Variants in MCM3AP observed in about 807,000 individuals in gnomAD.
MCM3AP encodes minichromosome maintenance complex component 3 associated protein.
MCM3AP carries 126 observed loss-of-function variants against 184.1 expected under a neutral mutation model. The ratio of observed to expected loss-of-function variants is 0.68; its 90% CI spans 0.59 to 0.79. MCM3AP has a LOEUF of 0.79. Among genes scored for constraint, MCM3AP ranks in the 30% least tolerant of loss-of-function variants. The pLI, the probability that MCM3AP is intolerant of heterozygous loss-of-function variation, is 0.00. For synonymous variants in MCM3AP, 1,002 were observed against 979.3 expected (o/e 1.02, Z -0.43); for missense variants, 2,496 against 2,479.2 (o/e 1.01, Z -0.14).
intron 20 of MCM3AP, chr21:46,250,894 C>T (rs1360702472): frequency 6.6e-6 from 1 of 152,190 alleles, no homozygotes; most frequent in Non-Finnish European, 1.5e-5. Flanking sequence ...CAGCAGAGAA[C>T]ATTTAAATGG....
In MCM3AP at chr21:46,284,880, T is replaced by C; in HGVS notation, c.407A>G (p.Asn136Ser). ...GAATTCTGTTTTCCCAAAACCAGAG[T>C]TCACTATTTCTCCAGCTTCTTGTCC... ...AFGQEAGEIVNSGFGKTEFSF... is the reference protein window; with the variant it reads ...AFGQEAGEIVSSGFGKTEFSF... The change falls in exon 1 of 28, where the codon AAC becomes AGC. Residue 136 changes from asparagine to serine, a missense_variant. Asn to Ser is a conservative substitution (Grantham distance 46). Coordinates refer to ENST00000291688, the MANE Select transcript of MCM3AP (RefSeq NM_003906.5). 1 of 1,614,118 alleles carries C rather than the reference T, an allele frequency of 6.2e-7. No homozygotes were observed. Among genetic ancestry groups the C allele is most frequent in the African/African-American group, 1.3e-5 (1 of 75,002 alleles).
intron 20 of MCM3AP, among the ~76,000 whole-genome samples, chr21:46,248,743 TAAAA>T (rs1335710739): frequency 6.6e-6 from 1 of 151,446 alleles, no homozygotes; most frequent in African/African-American, 2.4e-5. Flanking sequence ...AAAGTCATGA[TAAAA>T]AGAAAGAGGA....
chr21:46,251,797 T>G, intron 19 of MCM3AP, 115 bp from the exon 20 acceptor site: 1 of 575,434 alleles, frequency 1.7e-6, no homozygotes, highest in South Asian at 2.3e-5. Flanking sequence ...CAGACCTAGG[T>G]CCACAAATAC....
At chr21:46,245,262 G>A in intron 22 of MCM3AP, 65 bp from the exon 23 acceptor site, 1 of 1,495,730 alleles carries the variant, frequency 6.7e-7, no homozygotes, top group Non-Finnish European at 9.0e-7. Context: ...CTTTCTGAAA[G>A]GGCTTGATCC....
intron 20 of MCM3AP, 34 bp downstream of exon 20, chr21:46,251,495 A>C: frequency 6.4e-7 from 1 of 1,551,784 alleles, no homozygotes; most frequent in Non-Finnish European, 8.9e-7. Flanking sequence ...AGTAATGAAA[A>C]CACAGAAGTA....
chr21:46,245,572 G>C (rs533373331), intron 22 of MCM3AP, among the ~76,000 whole-genome samples: 1 of 152,166 alleles, frequency 6.6e-6, no homozygotes, highest in Non-Finnish European at 1.5e-5. Flanking sequence ...ATGTGCCAAG[G>C]TGCCTTCACA....
chr21:46,259,301 A>G (rs2081005719), intron 15 of MCM3AP: 3 of 384,156 alleles, frequency 7.8e-6, no homozygotes, highest in East Asian at 1.1e-4. Context: ...TAAAAATACA[A>G]AAAAATTAGC....
At chr21:46,262,623 A>G (rs914364913) in intron 13 of MCM3AP, among the ~76,000 whole-genome samples, 1 of 151,970 alleles carries the variant, frequency 6.6e-6, no homozygotes, top group African/African-American at 2.4e-5. Context: ...ACTCGGGTCT[A>G]GGTGACAAAG....
At chr21:46,275,376 C>A in intron 5 of MCM3AP, 51 bp from the exon 6 acceptor site, 1 of 1,503,704 alleles carries the variant, frequency 6.7e-7, no homozygotes, top group Non-Finnish European at 9.0e-7. Flanking sequence ...TTAGCACGAA[C>A]CTACAGAAGT....
At chr21:46,272,858 C>T (rs1667178988) in intron 7 of MCM3AP, 29 bp from the exon 8 acceptor site, 2 of 1,533,404 alleles carry the variant, frequency 1.3e-6, no homozygotes, top group African/African-American at 1.4e-5. Context: ...GAGGATCACA[C>T]ACACATTCCC....
intron 1 of MCM3AP, 34 bp downstream of exon 1, chr21:46,284,034 G>T (rs375285261): frequency 2.5e-6 from 4 of 1,587,302 alleles, no homozygotes; most frequent in Admixed American, 3.6e-5. Flanking sequence ...CTGCCTGCAG[G>T]ATTTACTCTA....
rs764930973 is a variant in MCM3AP at position 46,240,797 on chromosome 21, G to T, written c.5633+14C>A. The T allele has an allele frequency of 2.5e-6, 4 of 1,611,418 alleles. No individual in the cohort carries two copies. Among genetic ancestry groups the T allele is most frequent in the South Asian group, 2.2e-5 (2 of 90,832 alleles). ...AGACTAAACACACATGAATTAGAAG[G>T]AAGTGGGCTTCACCTCTTGTTCTCT... On this transcript the variant is annotated intron_variant, in intron 26 of 27. Transcript: ENST00000291688.
chr21:46,271,260 C>T (rs1470149892), intron 8 of MCM3AP, among the ~76,000 whole-genome samples: 2 of 151,372 alleles, frequency 1.3e-5, no homozygotes, highest in African/African-American at 4.9e-5. Context: ...CTCCTGGCCT[C>T]AAGCAACCCT....
Position 46,261,462 on chromosome 21 carries a change from C to T in MCM3AP, c.3336-51G>A, listed in dbSNP as rs112898112. 4,643 of 1,575,320 alleles carry T rather than the reference C, an allele frequency of 2.9e-3. 29 individuals are homozygous for T. The highest frequency in any genetic ancestry group is 8.5e-3 in the South Asian group (757 of 89,206). ...TCAAAATCAGAGTCAAGGCCGGGTG[C>T]GGTGGCTCACGCCTGTAATCCCAGC... On this transcript the variant is annotated intron_variant, in intron 13 of 27. Coordinates refer to ENST00000291688, the MANE Select transcript of MCM3AP (RefSeq NM_003906.5).
chr21:46,257,213 G>A (rs1224399059), intron 16 of MCM3AP, among the ~76,000 whole-genome samples: 2 of 152,172 alleles, frequency 1.3e-5, no homozygotes, highest in African/African-American at 2.4e-5. Flanking sequence ...AGTGGCTCAC[G>A]CCTGTAATCC....
upstream of MCM3AP, chr21:46,286,206 T>G (rs990219642): frequency 3.3e-5 from 5 of 152,158 alleles, no homozygotes; most frequent in African/African-American, 1.2e-4. Flanking sequence ...CGGAAAGACT[T>G]GAGGCGCAAG....
At chr21:46,282,800 A>G (rs1446987782) in intron 2 of MCM3AP, among the ~76,000 whole-genome samples, 3 of 151,976 alleles carry the variant, frequency 2.0e-5, no homozygotes, top group Non-Finnish European at 4.4e-5. Flanking sequence ...GCAAGACTCC[A>G]TCTCAAAAAA....
intron 20 of MCM3AP, among the ~76,000 whole-genome samples, chr21:46,249,294 C>G (rs2080831271): frequency 6.6e-6 from 1 of 152,174 alleles, no homozygotes; most frequent in South Asian, 2.1e-4. Context: ...TTCAAGCAAT[C>G]TTCCCACCTC....
chr21:46,245,641 T>A (rs1348335797), intron 22 of MCM3AP, among the ~76,000 whole-genome samples: 1 of 152,088 alleles, frequency 6.6e-6, no homozygotes, highest in Non-Finnish European at 1.5e-5. Context: ...TTTCTCTAAA[T>A]TGTTAGCAAA....
Sources: allele counts gnomAD v4.1 joint callset (sites outside exome capture counted in the v4.1 genomes callset), GRCh38; gene constraint gnomAD v4.1.1; transcripts MANE v1.5; gene names NCBI Gene and HGNC (gene_info 2026-07-23, HGNC 2026-07-21).